Variants in MIEF1 observed in about 807,000 individuals in gnomAD.
MIEF1 encodes the protein mitochondrial dynamics protein MIEF1.
A neutral mutation model predicts 35.1 loss-of-function variants in MIEF1; 14 were observed. The observed-to-expected ratio is 0.40, with a 90% confidence interval of 0.26 to 0.62. The LOEUF is 0.62. MIEF1 is among the 20% of genes least tolerant of loss of function. The pLI is 0.43. For missense variants in MIEF1, 542 were observed against 615.4 expected (o/e 0.88, Z 1.26); for synonymous variants, 245 against 254.3 (o/e 0.96, Z 0.35).
chr22:39,517,471 T>G lies in MIEF1; in HGVS notation c.*3148T>G, dbSNP rs1426807557. On this transcript the variant is annotated 3_prime_UTR_variant, in exon 6 of 6. Coordinates refer to ENST00000325301, the MANE Select transcript of MIEF1 (RefSeq NM_019008.6). ...TTCCACATTTGCTGACTGTGCTCCCTGCACTCCACTCAAGTTGAGAGTTCA... is the reference window on the plus strand; with the variant it reads ...TTCCACATTTGCTGACTGTGCTCCCGGCACTCCACTCAAGTTGAGAGTTCA... 2.1e-6 allele frequency: 1 copy of G among 468,164 alleles called. No homozygotes were observed. The highest frequency in any genetic ancestry group is 2.0e-5 in the African/African-American group (1 of 50,026). The allele number at this position is 468,164 out of a possible 1,614,324, so 29.0% of individuals were successfully genotyped here.
intron 2 of MIEF1, among the ~76,000 whole-genome samples, chr22:39,507,680 A>G (rs1930114033): frequency 6.6e-6 from 1 of 151,760 alleles, no homozygotes; most frequent in African/African-American, 2.4e-5. Flanking sequence ...CCTGGCCAAC[A>G]TGGTGAAACC....
Position 39,517,433 on chromosome 22 carries a change from C to A in MIEF1, c.*3110C>A. On this transcript the variant is annotated 3_prime_UTR_variant, in exon 6 of 6. Transcript: ENST00000325301. ...AGGCCCACGGTCTCCTGGGTCCCGG[C>A]CACCTGTCCATATTCCACATTTGCT... is the stretch of plus-strand genomic sequence containing the variant. 2.6e-6 allele frequency: 1 copy of A among 384,376 alleles called. No homozygotes were observed. The highest frequency in any genetic ancestry group is 1.9e-5 in the South Asian group (1 of 51,616). 23.8% of individuals were successfully genotyped at this position (384,376 alleles called of 1,614,324 possible).
At chr22:39,503,939 C>T (rs371916725) in intron 1 of MIEF1, 126 of 299,836 alleles carry the variant, frequency 4.2e-4, no homozygotes, top group African/African-American at 1.1e-3. Context: ...TGGTGCTCAG[C>T]GGGGGTTCAG....
At position 39,514,081 on chromosome 22, in the gene MIEF1, C is replaced by A; in HGVS notation, c.1150C>A (p.Gln384Lys). ...GGCTCTGGGCCACCTCACTGCCAGC[C>A]AGCTAACCAATGTCATCCTCCACTT... ...TPALGHLTAS[Q>K]LTNVILHLAQ... The change falls in exon 6 of 6, where the codon CAG becomes AAG. Residue 384 changes from glutamine (Q) to lysine (K), a missense_variant. By Grantham distance (53) the Gln-to-Lys change is moderately conservative. Coordinates refer to ENST00000325301, the MANE Select transcript of MIEF1 (RefSeq NM_019008.6). 1 of 1,614,190 alleles carries A rather than the reference C, an allele frequency of 6.2e-7. No individual in the cohort carries two copies. Among genetic ancestry groups the A allele is most frequent in the Non-Finnish European group, 8.5e-7 (1 of 1,180,044 alleles).
Position 39,504,085 on chromosome 22 carries a change from G to C in MIEF1, c.-339-118G>C, listed in dbSNP as rs6001612. ...TTCTAGTCTTGCCATTAAGTCATAC[G>C]GTGACCTGGAGCGGGGGGTCTCTGG... is the stretch of plus-strand genomic sequence containing the variant. On this transcript the variant is annotated intron_variant, in intron 1 of 5. Transcript: ENST00000325301. 4.5e-5 allele frequency: 18 copies of C among 395,644 alleles called. 1 individual carries two copies. Among genetic ancestry groups the C allele is most frequent in the African/African-American group, 3.7e-4 (18 of 48,654 alleles). The allele number at this position is 395,644 out of a possible 1,614,324, so 24.5% of individuals were successfully genotyped here.
Position 39,517,738 on chromosome 22 carries a change from A to C in MIEF1, c.*3415A>C. 2.6e-6 allele frequency: 1 copy of C among 378,610 alleles called. No homozygotes were observed. Among genetic ancestry groups the C allele is most frequent in the Non-Finnish European group, 5.4e-6 (1 of 183,678 alleles). The allele number at this position is 378,610 out of a possible 1,614,324, so 23.5% of individuals were successfully genotyped here. A position where few individuals can be genotyped will look rare whatever the true frequency, so the allele number is the denominator to read the frequency against. The stretch of plus-strand genomic sequence containing the variant: ...TTAGGACAGAGCTGACCCTTGCACC[A>C]GGCTGGGAGGCTGCAGCCCTTTTAG... On this transcript the variant is annotated 3_prime_UTR_variant, in exon 6 of 6. Coordinates refer to ENST00000325301, the MANE Select transcript of MIEF1 (RefSeq NM_019008.6).
At chr22:39,500,160 G>A (rs1001685599), upstream of MIEF1, 1 of 152,256 alleles carries the variant, frequency 6.6e-6, no homozygotes, top group Non-Finnish European at 1.5e-5. Context: ...CAATCCAAGA[G>A]ATCCTGGAAT....
chr22:39,509,087 T>G (rs188041770), intron 2 of MIEF1, among the ~76,000 whole-genome samples: 112 of 152,060 alleles, frequency 7.4e-4, no homozygotes, highest in Admixed American at 1.5e-3. Context: ...CCCGAGTAGC[T>G]GGGATTACAG....
At chr22:39,512,079 C>T in intron 4 of MIEF1, 53 bp downstream of exon 4, 1 of 1,581,070 alleles carries the variant, frequency 6.3e-7, no homozygotes, top group African/African-American at 1.3e-5. Context: ...CAGTACCACT[C>T]CTGCACTCAG....
intron 2 of MIEF1, among the ~76,000 whole-genome samples, chr22:39,508,187 T>G (rs543044883): frequency 1.4e-4 from 21 of 152,318 alleles, no homozygotes; most frequent in Non-Finnish European, 2.4e-4. Context: ...TTATCCCCTT[T>G]TCGTAGCTGA....
Position 39,514,932 on chromosome 22 carries a change from A to C in MIEF1, c.*609A>C, listed in dbSNP as rs1046756382. 1.2e-5 allele frequency: 4 copies of C among 321,614 alleles called. No homozygotes were observed. Among genetic ancestry groups the C allele is most frequent in the African/African-American group, 2.1e-5 (1 of 46,762 alleles). The allele number at this position is 321,614 out of a possible 1,614,324, so 19.9% of individuals were successfully genotyped here. On this transcript the variant is annotated 3_prime_UTR_variant, in exon 6 of 6. Coordinates refer to ENST00000325301, the MANE Select transcript of MIEF1 (RefSeq NM_019008.6). Reference sequence around the variant, plus strand: ...TGGAGTAGAAGTCCATCCTCCCCCCAACCTCCTGACCCATTCATAAATGCT... The same window carrying C: ...TGGAGTAGAAGTCCATCCTCCCCCCCACCTCCTGACCCATTCATAAATGCT...
rs761265484 is a variant in MIEF1, at chr22:39,512,221, T to C, written c.323-11T>C. 3.7e-6 allele frequency: 6 copies of C among 1,610,184 alleles called. No individual in the cohort carries two copies. Among genetic ancestry groups the C allele is most frequent in the Non-Finnish European group, 5.1e-6 (6 of 1,179,484 alleles). On this transcript the variant is annotated splice_polypyrimidine_tract_variant and intron_variant, in intron 4 of 5. Transcript: ENST00000325301. ...GCAGAGCTCACGTGCCTCTCTCTCT[T>C]GCCTTGGCAGATACATTCTGCCCGC...
chr22:39,516,252 CA>C lies in MIEF1; in HGVS notation c.*1930del, dbSNP rs576314914. ...GAGCTTGACAGGGTTCCTGTGTACC[CA>C]CTGGGTATCCGTTAGAGGTAAGGGA... On this transcript the variant is annotated 3_prime_UTR_variant, in exon 6 of 6. Coordinates refer to ENST00000325301, the MANE Select transcript of MIEF1 (RefSeq NM_019008.6). The C allele has an allele frequency of 2.2e-4, 34 of 152,080 alleles. 1 individual carries two copies. The highest frequency in any genetic ancestry group is 1.5e-3 in the South Asian group (7 of 4,814). The allele number at this position is 152,080 out of a possible 1,614,324, so 9.4% of individuals were successfully genotyped here.
At position 39,514,700 on chromosome 22, in the gene MIEF1, A is replaced by C; in HGVS notation, c.*377A>C. ...CCTGTTCCTATTCAGTGTCTTTTCT[A>C]TTTTTTCCTCTCTCGTTCATGCCTT... On this transcript the variant is annotated 3_prime_UTR_variant, in exon 6 of 6. Transcript: ENST00000325301. The C allele has an allele frequency of 7.5e-6, 2 of 267,494 alleles. No homozygotes were observed. Among genetic ancestry groups the C allele is most frequent in the Non-Finnish European group, 1.4e-5 (2 of 139,418 alleles). 16.6% of individuals were successfully genotyped at this position (267,494 alleles called of 1,614,324 possible). A position where few individuals can be genotyped will look rare whatever the true frequency, so the allele number is the denominator to read the frequency against.
At position 39,513,905 on chromosome 22, in the gene MIEF1, C is replaced by G. The variant is rs1240480107; in HGVS notation, c.974C>G (p.Ala325Gly). The change falls in exon 6 of 6, where the codon GCC becomes GGC. Residue 325 changes from alanine to glycine, a missense_variant. By Grantham distance (60) the Ala-to-Gly change is moderately conservative (BLOSUM62 0). Transcript: ENST00000325301. ...SVTLGDTVLVAKPHRLAQYDN... is the reference protein window; with the variant it reads ...SVTLGDTVLVGKPHRLAQYDN... ...ACCCTCGGTGACACAGTCTTGGTGGCCAAACCACACCGGCTAGCCCAGTAT... is the reference window on the plus strand; with the variant it reads ...ACCCTCGGTGACACAGTCTTGGTGGGCAAACCACACCGGCTAGCCCAGTAT... 6.2e-7 allele frequency: 1 copy of G among 1,614,070 alleles called. No homozygotes were observed. Among genetic ancestry groups the G allele is most frequent in the Non-Finnish European group, 8.5e-7 (1 of 1,180,032 alleles).
In MIEF1 at chr22:39,511,407, T is replaced by G. The variant is rs770525005; in HGVS notation, c.113T>G (p.Met38Arg). 2 of 1,600,688 alleles carry G rather than the reference T, an allele frequency of 1.2e-6. No individual in the cohort carries two copies. Among genetic ancestry groups the G allele is most frequent in the Non-Finnish European group, 1.7e-6 (2 of 1,172,276 alleles). The stretch of plus-strand genomic sequence containing the variant: ...GTGCTGGGGGTGGGTGGAGCGGCCA[T>G]GCTGGGCATCGCCACGCTGGCAGTT... Reference protein sequence around the residue: ...RLVLGVGGAAMLGIATLAVKR... With the variant: ...RLVLGVGGAARLGIATLAVKR... The change falls in exon 3 of 6, where the codon ATG (methionine) becomes AGG (arginine). Residue 38 changes from methionine (M) to arginine (R), a missense_variant. Met to Arg is a moderately conservative substitution (Grantham distance 91). Coordinates refer to ENST00000325301, the MANE Select transcript of MIEF1 (RefSeq NM_019008.6).
At chr22:39,507,363 G>C (rs5750841) in intron 2 of MIEF1, among the ~76,000 whole-genome samples, 4 of 151,296 alleles carry the variant, frequency 2.6e-5, no homozygotes, top group African/African-American at 4.9e-5. Context: ...CTCCTGCCTC[G>C]GCCTCCCGAG....
Position 39,517,877 on chromosome 22 carries a change from C to T in MIEF1, c.*3554C>T, listed in dbSNP as rs1169934744. The T allele has an allele frequency of 4.2e-6, 1 of 239,926 alleles. No individual in the cohort carries two copies. The highest frequency in any genetic ancestry group is 1.2e-4 in the East Asian group (1 of 8,010). The allele number at this position is 239,926 out of a possible 1,614,324, so 14.9% of individuals were successfully genotyped here. A position where few individuals can be genotyped will look rare whatever the true frequency, so the allele number is the denominator to read the frequency against. ...CCTTGTAGTCTTTAAATTCTTGGTCCCTGAGGCCAAGTCCACAACTTGCCT... is the reference window on the plus strand; with the variant it reads ...CCTTGTAGTCTTTAAATTCTTGGTCTCTGAGGCCAAGTCCACAACTTGCCT... On this transcript the variant is annotated 3_prime_UTR_variant, in exon 6 of 6. Coordinates refer to ENST00000325301, the MANE Select transcript of MIEF1 (RefSeq NM_019008.6).
intron 2 of MIEF1, among the ~76,000 whole-genome samples, chr22:39,508,104 C>T (rs778529368): frequency 3.3e-5 from 5 of 152,152 alleles, no homozygotes; most frequent in African/African-American, 4.8e-5. Context: ...CAGTTTATAC[C>T]GTTCACATAC....
Sources: allele counts gnomAD v4.1 joint callset (sites outside exome capture counted in the v4.1 genomes callset), GRCh38; gene constraint gnomAD v4.1.1; transcripts MANE v1.5; gene names NCBI Gene and HGNC (gene_info 2026-07-23, HGNC 2026-07-21).